RAB10: variants seen among roughly 807,000 people sequenced by gnomAD.
RAB10 encodes RAB10, member RAS oncogene family.
RAB10 carries 5 observed loss-of-function variants against 25.7 expected under a neutral mutation model. That is an observed-to-expected ratio of 0.19 (90% confidence interval 0.10 to 0.41). RAB10 has a LOEUF of 0.41. Among genes scored for constraint, RAB10 ranks in the 10% least tolerant of loss-of-function variants. The pLI is 1.00. For missense variants in RAB10, 103 were observed against 245.8 expected, an observed-to-expected ratio of 0.42 and a Z score of 3.89; for synonymous variants, 89 against 86.4, an observed-to-expected ratio of 1.03 and a Z score of -0.16.
chr2:26,116,847 C>A (rs1284262795), intron 3 of RAB10, among the ~76,000 whole-genome samples: 1 of 151,498 alleles, frequency 6.6e-6, no homozygotes. Flanking sequence ...TGAGCCACCA[C>A]GCCCGGCCTT....
At chr2:26,066,777 A>ATTTTTTTTTTTTTTTTTTTTTT (rs3065544) in intron 1 of RAB10, among the ~76,000 whole-genome samples, 1 of 110,242 alleles carries the variant, frequency 9.1e-6, no homozygotes, top group African/African-American at 3.4e-5. Flanking sequence ...CATGCCATCA[A>ATTTTTTTTTTTTTTTTTTTTTT]TTTTTTTTTT....
At chr2:26,041,773 G>T (rs1050821286) in intron 1 of RAB10, among the ~76,000 whole-genome samples, 6 of 151,846 alleles carry the variant, frequency 4.0e-5, no homozygotes, top group Non-Finnish European at 8.8e-5. Context: ...GCGTGGTGGC[G>T]CATGCCTGTA....
At chr2:26,048,989 G>A (rs1443346683) in intron 1 of RAB10, among the ~76,000 whole-genome samples, 1 of 152,096 alleles carries the variant, frequency 6.6e-6, no homozygotes, top group African/African-American at 2.4e-5. Context: ...TTGGAACTTT[G>A]ATGCGGTCCA....
intron 3 of RAB10, among the ~76,000 whole-genome samples, chr2:26,114,842 C>T (rs1667648444): frequency 6.6e-6 from 1 of 151,522 alleles, no homozygotes; most frequent in Non-Finnish European, 1.5e-5. Flanking sequence ...GTCGAGGCTG[C>T]AGTGAACCAT....
At chr2:26,082,814 G>A (rs554140820) in intron 1 of RAB10, among the ~76,000 whole-genome samples, 2 of 152,222 alleles carry the variant, frequency 1.3e-5, no homozygotes, top group African/African-American at 4.8e-5. Flanking sequence ...AATGAACATA[G>A]AGATTTTTTT....
chr2:26,041,937 G>C (rs1195603815), intron 1 of RAB10, among the ~76,000 whole-genome samples: 1 of 152,028 alleles, frequency 6.6e-6, no homozygotes, highest in African/African-American at 2.4e-5. Flanking sequence ...GAAATTGAAA[G>C]GTTGTTTGAA....
At chr2:26,044,910 C>A (rs1000614275) in intron 1 of RAB10, among the ~76,000 whole-genome samples, 1 of 151,846 alleles carries the variant, frequency 6.6e-6, no homozygotes, top group Non-Finnish European at 1.5e-5. Flanking sequence ...CTGAGAATTT[C>A]ATTGTTATGT....
intron 1 of RAB10, among the ~76,000 whole-genome samples, chr2:26,085,760 A>ACTGAGGCGAGTGGATCAC (rs963434603): frequency 1.3e-5 from 2 of 151,258 alleles, no homozygotes; most frequent in African/African-American, 4.9e-5. Context: ...ACTTTGGGAG[A>ACTGAGGCGAGTGGATCAC]CTGAGGCGAG....
intron 3 of RAB10, among the ~76,000 whole-genome samples, chr2:26,119,395 C>T (rs571599040): frequency 1.7e-4 from 26 of 151,724 alleles, no homozygotes; most frequent in African/African-American, 5.3e-4. Context: ...GGTGACACAG[C>T]GAGACCCTGT....
chr2:26,087,434 C>T (rs1243971804), intron 1 of RAB10, among the ~76,000 whole-genome samples: 1 of 152,154 alleles, frequency 6.6e-6, no homozygotes, highest in Admixed American at 6.5e-5. Context: ...CGAATTTTCG[C>T]TCTCGTTGCC....
At chr2:26,095,154 C>T (rs779995547) in intron 1 of RAB10, among the ~76,000 whole-genome samples, 5 of 152,154 alleles carry the variant, frequency 3.3e-5, no homozygotes, top group Non-Finnish European at 2.9e-5. Context: ...TCCTTATGAT[C>T]GCCCTTTGCC....
At chr2:26,118,405 G>A (rs560394350) in intron 3 of RAB10, among the ~76,000 whole-genome samples, 8 of 150,866 alleles carry the variant, frequency 5.3e-5, no homozygotes, top group South Asian at 4.2e-4. Flanking sequence ...CAGACCTCCC[G>A]GGCAAATAAG....
intron 3 of RAB10, among the ~76,000 whole-genome samples, chr2:26,121,714 C>G (rs1354286825): frequency 1.3e-5 from 2 of 152,144 alleles, no homozygotes; most frequent in Non-Finnish European, 2.9e-5. Context: ...TATTAACACT[C>G]AAACACACAG....
At chr2:26,056,865 C>A (rs560585118) in intron 1 of RAB10, among the ~76,000 whole-genome samples, 1 of 151,930 alleles carries the variant, frequency 6.6e-6, no homozygotes, top group Non-Finnish European at 1.5e-5. Context: ...TGGCCTCAAG[C>A]GATCCTCTTG....
intron 1 of RAB10, among the ~76,000 whole-genome samples, chr2:26,048,389 T>G (rs1186806065): frequency 1.3e-5 from 2 of 152,210 alleles, no homozygotes; most frequent in Non-Finnish European, 2.9e-5. Flanking sequence ...TATCATACTA[T>G]TTTGTACTGT....
rs753457021 is a variant in RAB10 at position 26,127,927 on chromosome 2, G to C, written c.495G>C (p.Thr165=). Reference sequence around the variant, plus strand: ...TAAACATCGAAAAGGCGTTCCTCACGTTAGCTGAAGATATCCTTCGAAAGG... The same window carrying C: ...TAAACATCGAAAAGGCGTTCCTCACCTTAGCTGAAGATATCCTTCGAAAGG... ...ANINIEKAFL[T]LAEDILRKTP... The change falls in exon 5 of 6, where the codon ACG becomes ACC. Residue 165 remains threonine, a synonymous_variant. Transcript: ENST00000264710. 1 of 1,605,188 alleles carries C rather than the reference G, an allele frequency of 6.2e-7. No individual in the cohort carries two copies. The highest frequency in any genetic ancestry group is 1.1e-5 in the South Asian group (1 of 90,876).
At chr2:26,055,510 C>G (rs1446611798) in intron 1 of RAB10, among the ~76,000 whole-genome samples, 1 of 151,810 alleles carries the variant, frequency 6.6e-6, no homozygotes, top group East Asian at 1.9e-4. Context: ...GCTTCAGCCT[C>G]CTGAGTAGCT....
chr2:26,082,330 C>T (rs1294240637), intron 1 of RAB10, among the ~76,000 whole-genome samples: 1 of 151,986 alleles, frequency 6.6e-6, no homozygotes, highest in African/African-American at 2.4e-5. Context: ...ATATACTGGG[C>T]ACATCTAATC....
intron 1 of RAB10, among the ~76,000 whole-genome samples, chr2:26,093,890 C>T (rs1377152165): frequency 1.3e-5 from 2 of 151,998 alleles, no homozygotes; most frequent in East Asian, 1.9e-4. Context: ...TTTTGTTTTT[C>T]TCATGTTTTT....
Sources: gnomAD v4.1 joint callset for allele counts (sites outside exome capture counted in the v4.1 genomes callset) on GRCh38, gnomAD v4.1.1 for gene constraint, MANE v1.5 for transcripts, NCBI Gene and HGNC (gene_info 2026-07-23, HGNC 2026-07-21) for gene names.